The following PIP4K2A variants were observed in gnomAD, a reference collection of about 807,000 sequenced individuals.
PIP4K2A encodes the protein phosphatidylinositol-5-phosphate 4-kinase type 2 alpha.
A neutral mutation model predicts 42.9 loss-of-function variants in PIP4K2A; 14 were observed. That is an observed-to-expected ratio of 0.33 (90% CI 0.22 to 0.51). PIP4K2A has a LOEUF of 0.51. PIP4K2A is among the 20% of genes least tolerant of loss of function. The pLI, the probability that PIP4K2A is intolerant of heterozygous loss-of-function variation, is 0.97. For synonymous variants in PIP4K2A, 192 were observed against 192.2 expected (o/e 1.00, Z 0.01); for missense variants, 434 against 519.8 (o/e 0.83, Z 1.61).
At chr10:22,684,372 C>A (rs1027595755) in intron 1 of PIP4K2A, among the ~76,000 whole-genome samples, 2 of 152,144 alleles carry the variant, frequency 1.3e-5, no homozygotes, top group African/African-American at 4.8e-5. Context: ...GCCTCTACTT[C>A]TTTTGCCAAA....
intron 1 of PIP4K2A, among the ~76,000 whole-genome samples, chr10:22,682,354 TA>T (rs1442127167): frequency 1.3e-5 from 2 of 152,218 alleles, no homozygotes; most frequent in Admixed American, 6.5e-5. Context: ...GAGGCAATGG[TA>T]GCCCTCAAAC....
At chr10:22,651,147 T>A (rs976076085) in intron 1 of PIP4K2A, among the ~76,000 whole-genome samples, 2 of 152,138 alleles carry the variant, frequency 1.3e-5, no homozygotes, top group African/African-American at 4.8e-5. Flanking sequence ...GATGAGTGGA[T>A]GTCTAGTTTC....
intron 1 of PIP4K2A, among the ~76,000 whole-genome samples, chr10:22,692,374 C>T (rs915377424): frequency 1.3e-5 from 2 of 152,116 alleles, no homozygotes; most frequent in African/African-American, 2.4e-5. Context: ...GCCCGCTGCT[C>T]ACCTCCTGCT....
At chr10:22,611,694 A>G (rs1208253804) in intron 1 of PIP4K2A, among the ~76,000 whole-genome samples, 1 of 152,242 alleles carries the variant, frequency 6.6e-6, no homozygotes, top group African/African-American at 2.4e-5. Flanking sequence ...TTCCCAGAGT[A>G]TATCTATGAA....
intron 1 of PIP4K2A, among the ~76,000 whole-genome samples, chr10:22,622,543 G>A (rs1838354308): frequency 6.6e-6 from 1 of 152,234 alleles, no homozygotes; most frequent in South Asian, 2.1e-4. Flanking sequence ...ACTCCCCGAG[G>A]GGACACTGGA....
intron 1 of PIP4K2A, chr10:22,661,872 G>C (rs995722074): frequency 3.3e-5 from 5 of 152,210 alleles, no homozygotes; most frequent in African/African-American, 1.2e-4. Flanking sequence ...CCAGAGAGAA[G>C]AGGCTGAAAA....
At chr10:22,560,247 C>T (rs1317325754) in intron 6 of PIP4K2A, among the ~76,000 whole-genome samples, 1 of 152,176 alleles carries the variant, frequency 6.6e-6, no homozygotes, top group Non-Finnish European at 1.5e-5. Flanking sequence ...GATCCGCCCA[C>T]AGTGGAAAAA....
intron 1 of PIP4K2A, among the ~76,000 whole-genome samples, chr10:22,629,861 G>A (rs1329205848): frequency 1.3e-5 from 2 of 152,290 alleles, no homozygotes; most frequent in East Asian, 1.9e-4. Context: ...AAGAAGGAGT[G>A]AGCAGGGGAG....
intron 1 of PIP4K2A, among the ~76,000 whole-genome samples, chr10:22,641,625 A>C (rs1838785438): frequency 6.6e-6 from 1 of 151,492 alleles, no homozygotes; most frequent in African/African-American, 2.4e-5. Context: ...TTTTAAAAAA[A>C]AAATTTTGTA....
intron 1 of PIP4K2A, among the ~76,000 whole-genome samples, chr10:22,663,151 C>T (rs1418890688): frequency 6.6e-6 from 1 of 152,192 alleles, no homozygotes; most frequent in Non-Finnish European, 1.5e-5. Context: ...AAATTCTTGG[C>T]TTTCCACTTA....
At chr10:22,649,484 G>A (rs745921620) in intron 1 of PIP4K2A, among the ~76,000 whole-genome samples, 3 of 152,140 alleles carry the variant, frequency 2.0e-5, no homozygotes, top group African/African-American at 7.2e-5. Flanking sequence ...CCACCTAAGC[G>A]CCAAGTTGCA....
Position 22,584,898 on chromosome 10 carries a change from T to C in PIP4K2A, c.492+6731A>G, listed in dbSNP as rs1052938428. On this transcript the variant is annotated intron_variant, in intron 4 of 9. Transcript: ENST00000376573. ...TGAACAAAAGGGCCCAAGAGCAGAT[T>C]CAGAACTGAGTGCTCAGAATGTTCT... Among the ~76,000 whole-genome samples, 9 of 152,248 alleles carry C rather than the reference T, an allele frequency of 5.9e-5. No individual in the cohort carries two copies. In the East Asian group the frequency reaches 1.7e-3, roughly 29 times the overall value.
At chr10:22,567,627 C>G (rs960188772) in intron 6 of PIP4K2A, 2 of 715,694 alleles carry the variant, frequency 2.8e-6, no homozygotes, top group African/African-American at 3.5e-5. Flanking sequence ...TCCTTCCAAC[C>G]ATGCTTGCAA....
chr10:22,554,066 G>A (rs757500516), intron 6 of PIP4K2A, among the ~76,000 whole-genome samples: 5 of 151,892 alleles, frequency 3.3e-5, no homozygotes, highest in East Asian at 1.9e-4. Context: ...GCTTGAGCCC[G>A]GGAGGTCAAA....
chr10:22,653,582 T>C (rs540869829), intron 1 of PIP4K2A, among the ~76,000 whole-genome samples: 1 of 152,178 alleles, frequency 6.6e-6, no homozygotes, highest in Non-Finnish European at 1.5e-5. Flanking sequence ...CTTTGGAATT[T>C]CCAAAATTGC....
At chr10:22,698,566 A>C (rs1832829619) in intron 1 of PIP4K2A, among the ~76,000 whole-genome samples, 1 of 152,254 alleles carries the variant, frequency 6.6e-6, no homozygotes, top group African/African-American at 2.4e-5. Context: ...TTGGACTATT[A>C]AACTTCATTA....
At chr10:22,541,416 C>G (rs909731606) in intron 8 of PIP4K2A, among the ~76,000 whole-genome samples, 2 of 152,266 alleles carry the variant, frequency 1.3e-5, no homozygotes, top group Admixed American at 6.5e-5. Flanking sequence ...TAGGCAAAAA[C>G]GTATTAATAT....
intron 1 of PIP4K2A, among the ~76,000 whole-genome samples, chr10:22,704,629 G>A (rs1012336321): frequency 1.5e-5 from 2 of 132,714 alleles, no homozygotes; most frequent in Non-Finnish European, 3.1e-5. Flanking sequence ...TCCAGCCCAG[G>A]CCAAAAAGCA....
intron 1 of PIP4K2A, among the ~76,000 whole-genome samples, chr10:22,691,241 C>T (rs1839860545): frequency 6.6e-6 from 1 of 152,150 alleles, no homozygotes; most frequent in Non-Finnish European, 1.5e-5. Flanking sequence ...CAGGCCTGCC[C>T]TCCTTTGTCC....
Sources: allele counts gnomAD v4.1 joint callset (sites outside exome capture counted in the v4.1 genomes callset), GRCh38; gene constraint gnomAD v4.1.1; transcripts MANE v1.5; gene names NCBI Gene and HGNC (gene_info 2026-07-23, HGNC 2026-07-21).